ULK4: variants seen among roughly 807,000 people sequenced by gnomAD.
ULK4 encodes inactive serine/threonine-protein kinase ULK4.
ULK4 carries 133 observed loss-of-function variants against 160.6 expected under a neutral mutation model. The ratio of observed to expected loss-of-function variants is 0.83; its 90% CI spans 0.72 to 0.96. ULK4 has a LOEUF of 0.96. Ranked by LOEUF, ULK4 falls within the 40% of genes least tolerant of loss-of-function variation. ULK4 has a pLI of 0.00. For synonymous variants in ULK4, 534 were observed against 539.8 expected (o/e 0.99, Z 0.15); for missense variants, 1,580 against 1,499.5 (o/e 1.05, Z -0.89).
intron 35 of ULK4, among the ~76,000 whole-genome samples, chr3:41,315,681 C>A (rs937302881): frequency 6.6e-6 from 1 of 152,146 alleles, no homozygotes; most frequent in African/African-American, 2.4e-5. Context: ...TAGCCAAGAA[C>A]ACAGGGCTCA....
At chr3:41,500,771 CAG>C (rs1266030449) in intron 32 of ULK4, among the ~76,000 whole-genome samples, 2 of 152,140 alleles carry the variant, frequency 1.3e-5, no homozygotes, top group African/African-American at 2.4e-5. Context: ...TCGGGGCCAG[CAG>C]AGAGTATAGG....
At chr3:41,761,175 A>C (rs2038970362) in intron 21 of ULK4, among the ~76,000 whole-genome samples, 1 of 152,100 alleles carries the variant, frequency 6.6e-6, no homozygotes, top group Admixed American at 6.5e-5. Flanking sequence ...GGTGGTGGTA[A>C]CAAGAGTCTA....
intron 32 of ULK4, among the ~76,000 whole-genome samples, chr3:41,500,640 C>G (rs76613261): frequency 0.024 from 3,627 of 152,146 alleles, 132 homozygotes; most frequent in African/African-American, 0.078. Context: ...CCCAGAGACA[C>G]AGCAACTTCA....
At chr3:41,372,785 T>C (rs1254817166) in intron 35 of ULK4, among the ~76,000 whole-genome samples, 2 of 152,078 alleles carry the variant, frequency 1.3e-5, no homozygotes, top group African/African-American at 4.8e-5. Context: ...AATTCACACA[T>C]AAAAATATTA....
At chr3:41,441,600 GTTT>G (rs2083171291) in intron 34 of ULK4, among the ~76,000 whole-genome samples, 1 of 151,978 alleles carries the variant, frequency 6.6e-6, no homozygotes, top group Admixed American at 6.6e-5. Context: ...TTTGAGGCTT[GTTT>G]TATCGTGCAA....
At chr3:41,797,214 A>T (rs1397768767) in intron 20 of ULK4, among the ~76,000 whole-genome samples, 1 of 152,064 alleles carries the variant, frequency 6.6e-6, no homozygotes, top group African/African-American at 2.4e-5. Context: ...TTACATTTTT[A>T]AAGGGTTACG....
At position 41,836,519 on chromosome 3, in the gene ULK4, G is replaced by A. The variant is rs145545942; in HGVS notation, c.1657-548C>T. Among the ~76,000 whole-genome samples the A allele has an allele frequency of 1.6e-3, 246 of 152,100 alleles. 1 individual carries two copies. The highest frequency in any genetic ancestry group is 5.8e-3 in the African/African-American group (241 of 41,502). ...TCCACCGTATCACTAATCCTGAGAG[G>A]CAATTAATTGCTGCCCTATCTTTAA... is the stretch of plus-strand genomic sequence containing the variant. On this transcript the variant is annotated intron_variant, in intron 17 of 36. Coordinates refer to ENST00000301831, the MANE Select transcript of ULK4 (RefSeq NM_017886.4).
In ULK4 at chr3:41,263,202, T is replaced by C. The variant is rs184748729; in HGVS notation, c.3679-13628A>G. Among the ~76,000 whole-genome samples the C allele has an allele frequency of 5.9e-5, 9 of 152,208 alleles. No individual in the cohort carries two copies. The East Asian group carries it at 1.4e-3, about 23-fold the overall frequency. ...TTCGGTCATAAGAAGTGAGGAACAG[T>C]GTATCTATCACGCAAACCTGATCCA... On this transcript the variant is annotated intron_variant, in intron 35 of 36. Coordinates refer to ENST00000301831, the MANE Select transcript of ULK4 (RefSeq NM_017886.4).
At chr3:41,848,640 T>C (rs2125670991) in intron 17 of ULK4, among the ~76,000 whole-genome samples, 1 of 152,250 alleles carries the variant, frequency 6.6e-6, no homozygotes, top group South Asian at 2.1e-4. Context: ...AATCTGGACA[T>C]AGAGTGAAGG....
chr3:41,613,447 T>C (rs2125679789), intron 31 of ULK4, among the ~76,000 whole-genome samples: 1 of 152,094 alleles, frequency 6.6e-6, no homozygotes, highest in Middle Eastern at 3.4e-3. Flanking sequence ...CCAGGTCAAC[T>C]GGCTGAAAGC....
chr3:41,839,473 ATTT>A (rs1345111563), intron 17 of ULK4, among the ~76,000 whole-genome samples: 5 of 149,680 alleles, frequency 3.3e-5, no homozygotes, highest in African/African-American at 9.7e-5. Context: ...TGCTAATTAA[ATTT>A]TTTATTTCTA....
At chr3:41,839,053 A>G (rs2125657427) in intron 17 of ULK4, among the ~76,000 whole-genome samples, 1 of 152,326 alleles carries the variant, frequency 6.6e-6, no homozygotes, top group Middle Eastern at 3.4e-3. Context: ...CAATTGCTGA[A>G]AGAGTAGATT....
chr3:41,431,273 G>A (rs1342437403), intron 34 of ULK4, among the ~76,000 whole-genome samples: 1 of 151,482 alleles, frequency 6.6e-6, no homozygotes, highest in Non-Finnish European at 1.5e-5. Flanking sequence ...GCTTGAACCC[G>A]GGGGGCAGAG....
At chr3:41,368,047 C>T (rs550277368) in intron 35 of ULK4, among the ~76,000 whole-genome samples, 5 of 151,318 alleles carry the variant, frequency 3.3e-5, no homozygotes, top group Admixed American at 2.6e-4. Flanking sequence ...CATTTTGTGT[C>T]GCAATTTTTT....
At chr3:41,693,947 T>C (rs949897469) in intron 27 of ULK4, among the ~76,000 whole-genome samples, 4 of 152,256 alleles carry the variant, frequency 2.6e-5, no homozygotes, top group African/African-American at 9.6e-5. Flanking sequence ...AAGTACCTTA[T>C]GAACACAGTA....
At chr3:41,388,467 G>A (rs2081875336) in intron 35 of ULK4, among the ~76,000 whole-genome samples, 1 of 151,992 alleles carries the variant, frequency 6.6e-6, no homozygotes, top group Non-Finnish European at 1.5e-5. Flanking sequence ...TGTCCTGAAT[G>A]GTATTGCCTA....
chr3:41,597,297 C>T (rs1038833667), intron 31 of ULK4, among the ~76,000 whole-genome samples: 1 of 152,196 alleles, frequency 6.6e-6, no homozygotes, highest in East Asian at 1.9e-4. Flanking sequence ...AACAACATGG[C>T]TCAGGGAGCT....
chr3:41,582,510 C>T (rs559297934), intron 31 of ULK4, among the ~76,000 whole-genome samples: 3 of 152,260 alleles, frequency 2.0e-5, no homozygotes, highest in Admixed American at 6.5e-5. Flanking sequence ...AGCAGAGGTA[C>T]GTCAGCCTCA....
chr3:41,715,835 G>A (rs1025217090), intron 23 of ULK4, among the ~76,000 whole-genome samples: 2 of 141,982 alleles, frequency 1.4e-5, no homozygotes. Context: ...TTATAATAGA[G>A]TAATAGCTTT....
Sources: allele counts gnomAD v4.1 joint callset (sites outside exome capture counted in the v4.1 genomes callset), GRCh38; gene constraint gnomAD v4.1.1; transcripts MANE v1.5; gene names NCBI Gene and HGNC (gene_info 2026-07-23, HGNC 2026-07-21).